Variants in NYAP2 observed in about 807,000 individuals in gnomAD.
The protein encoded by NYAP2 is neuronal tyrosine-phosphorylated phosphoinositide-3-kinase adapter 2.
NYAP2 carries 23 observed loss-of-function variants against 50.4 expected under a neutral mutation model. That is an observed-to-expected ratio of 0.46 (90% CI 0.33 to 0.65). The LOEUF is 0.65. NYAP2 is among the 30% of genes least tolerant of loss of function. The probability of loss-of-function intolerance (pLI) is 0.02; values close to 1 mark genes in which losing one functional copy is unlikely to be tolerated. For missense variants in NYAP2, 885 were observed against 861.0 expected (o/e 1.03, Z -0.35); for synonymous variants, 394 against 365.2 (o/e 1.08, Z -0.90).
At chr2:225,413,169 T>C (rs1191532289) in intron 3 of NYAP2, among the ~76,000 whole-genome samples, 6 of 152,168 alleles carry the variant, frequency 3.9e-5, no homozygotes, top group African/African-American at 1.4e-4. Flanking sequence ...AGAATACTAG[T>C]AAAGCTTCTA....
At chr2:225,512,755 CTTCT>C (rs1221442311) in intron 3 of NYAP2, among the ~76,000 whole-genome samples, 8 of 121,432 alleles carry the variant, frequency 6.6e-5, no homozygotes, top group Admixed American at 2.5e-4. Context: ...GTTTTTCTTT[CTTCT>C]TTCTTTCTCT....
At chr2:225,508,604 A>C (rs1168106890) in intron 3 of NYAP2, among the ~76,000 whole-genome samples, 2 of 152,158 alleles carry the variant, frequency 1.3e-5, no homozygotes, top group Non-Finnish European at 2.9e-5. Flanking sequence ...CAGGTCTAGC[A>C]CCTGTAGAAG....
intron 6 of NYAP2, among the ~76,000 whole-genome samples, chr2:225,642,395 G>A (rs144217063): frequency 7.9e-5 from 12 of 152,208 alleles, no homozygotes; most frequent in African/African-American, 2.9e-4. Context: ...ATCTTAACAT[G>A]TATTATCTTA....
At chr2:225,475,143 T>C (rs371176090) in intron 3 of NYAP2, among the ~76,000 whole-genome samples, 2 of 152,234 alleles carry the variant, frequency 1.3e-5, no homozygotes, top group African/African-American at 4.8e-5. Flanking sequence ...AATAAAGTCA[T>C]AAATGAAGCA....
chr2:225,595,475 A>C (rs1174239357), intron 5 of NYAP2, among the ~76,000 whole-genome samples: 1 of 152,222 alleles, frequency 6.6e-6, no homozygotes, highest in Non-Finnish European at 1.5e-5. Flanking sequence ...GTCTATATCT[A>C]CAAACAACTT....
intron 3 of NYAP2, among the ~76,000 whole-genome samples, chr2:225,475,328 C>T (rs1404866490): frequency 1.3e-5 from 2 of 152,308 alleles, no homozygotes; most frequent in Middle Eastern, 6.8e-3. Context: ...GTACATTCTC[C>T]TTCTTCAAAG....
downstream of NYAP2, among the ~76,000 whole-genome samples, chr2:225,657,035 G>A (rs752147409): frequency 6.6e-6 from 1 of 150,974 alleles, no homozygotes; most frequent in Non-Finnish European, 1.5e-5. Context: ...TGGAGAGTGT[G>A]AGAAAGGCTA....
intron 6 of NYAP2, among the ~76,000 whole-genome samples, chr2:225,651,088 A>C (rs574347272): frequency 6.6e-6 from 1 of 152,326 alleles, no homozygotes; most frequent in South Asian, 2.1e-4. Context: ...TCAAAGCTAA[A>C]AGTGAAACAT....
intron 4 of NYAP2, among the ~76,000 whole-genome samples, chr2:225,553,986 C>T (rs1691728033): frequency 6.6e-6 from 1 of 152,160 alleles, no homozygotes; most frequent in South Asian, 2.1e-4. Flanking sequence ...CCCCATTGCA[C>T]TCCAGCCTGG....
chr2:225,676,909 G>GA, the NYAP2 span, among the ~76,000 whole-genome samples: 1 of 152,152 alleles, frequency 6.6e-6, no homozygotes, highest in African/African-American at 2.4e-5. Flanking sequence ...GGTTCCAAAT[G>GA]AATTTTAGAA....
the NYAP2 span, among the ~76,000 whole-genome samples, chr2:225,690,255 A>C: frequency 6.6e-6 from 1 of 152,136 alleles, no homozygotes; most frequent in Non-Finnish European, 1.5e-5. Flanking sequence ...TACATGGGTC[A>C]AATATGCTCA....
chr2:225,603,631 C>A (rs1692734951), intron 5 of NYAP2, among the ~76,000 whole-genome samples: 1 of 152,078 alleles, frequency 6.6e-6, no homozygotes, highest in African/African-American at 2.4e-5. Context: ...CCACATTGCT[C>A]CATTCTGGTT....
At chr2:225,514,124 T>C (rs1690883254) in intron 4 of NYAP2, among the ~76,000 whole-genome samples, 1 of 152,262 alleles carries the variant, frequency 6.6e-6, no homozygotes, top group Non-Finnish European at 1.5e-5. Context: ...TGTGTATGTG[T>C]GTGCATACTA....
chr2:225,465,643 G>A (rs1157303405), intron 3 of NYAP2, among the ~76,000 whole-genome samples: 2 of 152,122 alleles, frequency 1.3e-5, no homozygotes, highest in Non-Finnish European at 2.9e-5. Context: ...GTGAACCCGG[G>A]AGGCAGAGTT....
At chr2:225,570,522 G>C (rs192318515) in intron 4 of NYAP2, among the ~76,000 whole-genome samples, 1 of 152,272 alleles carries the variant, frequency 6.6e-6, no homozygotes, top group African/African-American at 2.4e-5. Flanking sequence ...CAGGGCAGCA[G>C]GAGAGAGAAT....
chr2:225,542,429 T>C (rs139880271), intron 4 of NYAP2, among the ~76,000 whole-genome samples: 231 of 152,296 alleles, frequency 1.5e-3, no homozygotes, highest in African/African-American at 5.3e-3. Context: ...TTTTCTTATG[T>C]TGAAGTATGT....
At chr2:225,672,415 G>A in the NYAP2 span, among the ~76,000 whole-genome samples, 1 of 152,142 alleles carries the variant, frequency 6.6e-6, no homozygotes, top group Non-Finnish European at 1.5e-5. Flanking sequence ...AAGAGCTAAA[G>A]CATTGCTCTG....
At chr2:225,431,537 C>T (rs1218428673) in intron 3 of NYAP2, among the ~76,000 whole-genome samples, 2 of 152,110 alleles carry the variant, frequency 1.3e-5, no homozygotes, top group Admixed American at 1.3e-4. Flanking sequence ...TTTAAATTTC[C>T]AATGTCAGTC....
intron 4 of NYAP2, among the ~76,000 whole-genome samples, chr2:225,558,569 G>T (rs1691815778): frequency 6.6e-6 from 1 of 152,138 alleles, no homozygotes; most frequent in South Asian, 2.1e-4. Flanking sequence ...CAGGTTCCCT[G>T]TTGTAAAGAT....
Sources: allele counts gnomAD v4.1 joint callset (sites outside exome capture counted in the v4.1 genomes callset), GRCh38; gene constraint gnomAD v4.1.1; transcripts MANE v1.5; gene names NCBI Gene and HGNC (gene_info 2026-07-23, HGNC 2026-07-21).